Variants in PRTG observed in about 807,000 individuals in gnomAD.
PRTG encodes the protein immunoglobulin superfamily, DCC subclass, member 5.
Under a neutral mutation model 122.5 loss-of-function variants are expected in PRTG, and 67 were observed. The ratio of observed to expected loss-of-function variants is 0.55; its 90% CI spans 0.45 to 0.67. PRTG has a LOEUF of 0.67. PRTG is among the 30% of genes least tolerant of loss of function. The pLI is 0.00. For missense variants in PRTG, 1,435 were observed against 1,415.4 expected (o/e 1.01, Z -0.22); for synonymous variants, 554 against 501.1 (o/e 1.11, Z -1.41).
At chr15:55,673,000 A>G (rs190958146) in intron 10 of PRTG, among the ~76,000 whole-genome samples, 1 of 152,296 alleles carries the variant, frequency 6.6e-6, no homozygotes, top group Non-Finnish European at 1.5e-5. Flanking sequence ...CGTTAGTAAA[A>G]CAGAAGGGTC....
intron 2 of PRTG, among the ~76,000 whole-genome samples, chr15:55,719,023 G>T (rs1381407029): frequency 6.6e-6 from 1 of 152,128 alleles, no homozygotes; most frequent in Non-Finnish European, 1.5e-5. Context: ...AGGATTACAG[G>T]CATGAGCCAC....
chr15:55,646,514 G>A (rs1471345044), intron 11 of PRTG, among the ~76,000 whole-genome samples: 1 of 151,458 alleles, frequency 6.6e-6, no homozygotes, highest in Non-Finnish European at 1.5e-5. Flanking sequence ...AGTAGAGACG[G>A]GGTTTCACCG....
chr15:55,687,241 ATTTT>A (rs1595651624), intron 2 of PRTG, among the ~76,000 whole-genome samples: 1 of 152,116 alleles, frequency 6.6e-6, no homozygotes, highest in Non-Finnish European at 1.5e-5. Context: ...GCTTTTTATT[ATTTT>A]TTTGTTTGCT....
At position 55,639,798 on chromosome 15, in the gene PRTG, G is replaced by C. The variant is rs779696205; in HGVS notation, c.2168C>G (p.Pro723Arg). The C allele has an allele frequency of 6.2e-7, 1 of 1,614,080 alleles. No individual in the cohort carries two copies. Among genetic ancestry groups the C allele is most frequent in the Non-Finnish European group, 8.5e-7 (1 of 1,180,008 alleles). The change falls in exon 13 of 20, where the codon CCA becomes CGA. Residue 723 changes from proline (P) to arginine (R), a missense_variant. Pro to Arg is a moderately radical substitution (Grantham distance 103). Coordinates refer to ENST00000389286, the MANE Select transcript of PRTG (RefSeq NM_173814.6). ...SVRDRMVPPP[P>R]PPHHLYAKAN... ...CTTCGCATAGAGATGGTGGGGTGGT[G>C]GTGGAGGAGGGACCATGCGATCACG...
intron 11 of PRTG, among the ~76,000 whole-genome samples, chr15:55,650,940 C>T (rs2059350139): frequency 6.6e-6 from 1 of 152,138 alleles, no homozygotes; most frequent in Admixed American, 6.5e-5. Context: ...GCACTCCAGC[C>T]TGGGTGACAG....
rs1379060644 is a variant in PRTG at position 55,673,461 on chromosome 15, G to A, written c.1762C>T (p.Leu588=). The part of the protein sequence containing the change: ...LEGLKPDSVY[L]VRITAATRVG... ...CTGGTGGCAGCAGTAATCCGAACCAGGTAGACACTGTCAGGTTTCAGGCCT... is the reference window on the plus strand; with the variant it reads ...CTGGTGGCAGCAGTAATCCGAACCAAGTAGACACTGTCAGGTTTCAGGCCT... The change falls in exon 10 of 20, where the codon CTG becomes TTG. Residue 588 remains leucine (L), a synonymous_variant. Coordinates refer to ENST00000389286, the MANE Select transcript of PRTG (RefSeq NM_173814.6). 6.2e-7 allele frequency: 1 copy of A among 1,614,028 alleles called. No individual in the cohort carries two copies. Among genetic ancestry groups the A allele is most frequent in the East Asian group, 2.2e-5 (1 of 44,894 alleles).
At chr15:55,645,258 AC>A (rs2059314393) in intron 11 of PRTG, among the ~76,000 whole-genome samples, 1 of 149,302 alleles carries the variant, frequency 6.7e-6, no homozygotes, top group Non-Finnish European at 1.5e-5. Context: ...ACACGGTGAA[AC>A]CCCGTCTCTA....
chr15:55,733,511 A>G (rs577229063), intron 2 of PRTG, among the ~76,000 whole-genome samples: 37 of 134,566 alleles, frequency 2.7e-4, no homozygotes, highest in East Asian at 2.5e-3. Context: ...ACTCTGTCTC[A>G]AACAAAAAAA....
intron 2 of PRTG, among the ~76,000 whole-genome samples, chr15:55,706,014 A>ATTTTTTTTTTTTTTTTTTTT (rs56275705): frequency 2.5e-4 from 24 of 94,358 alleles, no homozygotes; most frequent in African/African-American, 6.8e-4. Flanking sequence ...TGCCCAGCTA[A>ATTTTTTTTTTTTTTTTTTTT]TTTTTTTTTT....
At chr15:55,638,744 T>C in intron 13 of PRTG, 68 bp from the exon 14 acceptor site, 2 of 1,404,214 alleles carry the variant, frequency 1.4e-6, no homozygotes, top group Non-Finnish European at 2.0e-6. Flanking sequence ...AATGTCAGCA[T>C]TTCCAAATAG....
intron 17 of PRTG, among the ~76,000 whole-genome samples, chr15:55,624,913 GCATA>G (rs1160073404): frequency 1.3e-5 from 2 of 152,094 alleles, no homozygotes; most frequent in East Asian, 1.9e-4. Context: ...GCATAAATGT[GCATA>G]AATATTTTAT....
At chr15:55,629,126 T>C (rs2059211554) in intron 15 of PRTG, 122 bp from the exon 16 acceptor site, 2 of 544,728 alleles carry the variant, frequency 3.7e-6, no homozygotes, top group Non-Finnish European at 3.1e-6. Flanking sequence ...ACACATATTG[T>C]AGAACATTTA....
chr15:55,623,781 A>C (rs1259922821), intron 18 of PRTG, among the ~76,000 whole-genome samples: 1 of 152,196 alleles, frequency 6.6e-6, no homozygotes, highest in Admixed American at 6.5e-5. Context: ...ATTATTATAT[A>C]TACTGGAAAG....
chr15:55,635,757 A>G (rs1489297475), intron 15 of PRTG, among the ~76,000 whole-genome samples: 1 of 152,174 alleles, frequency 6.6e-6, no homozygotes, highest in Non-Finnish European at 1.5e-5. Context: ...TTACATGAAC[A>G]TAAATATCTT....
intron 2 of PRTG, among the ~76,000 whole-genome samples, chr15:55,713,457 G>A (rs2030472575): frequency 6.6e-6 from 1 of 152,164 alleles, no homozygotes; most frequent in Non-Finnish European, 1.5e-5. Flanking sequence ...GCATGGGCAA[G>A]AGTTTTCCTA....
In PRTG at chr15:55,692,889, G is replaced by A. The variant is rs545370537; in HGVS notation, c.398-8958C>T. 1.3e-4 allele frequency among the ~76,000 whole-genome samples: 17 copies of A among 127,256 alleles called. No homozygotes were observed. In the South Asian group the frequency reaches 3.0e-3, roughly 23 times the overall value. 83.5% of individuals were successfully genotyped at this position (127,256 alleles called of 152,430 possible). A position where few individuals can be genotyped will look rare whatever the true frequency, so the allele number is the denominator to read the frequency against. On this transcript the variant is annotated intron_variant, in intron 2 of 19. Coordinates refer to ENST00000389286, the MANE Select transcript of PRTG (RefSeq NM_173814.6). ...GGAGGCTCACTCTGTTGCCCAGGCC[G>A]GAGTGCAGTCGTGCGATCTCAGCTC...
At chr15:55,654,677 G>A (rs184595942) in intron 11 of PRTG, among the ~76,000 whole-genome samples, 29 of 152,122 alleles carry the variant, frequency 1.9e-4, no homozygotes, top group African/African-American at 6.5e-4. Flanking sequence ...TCACATACAC[G>A]GTCTGTCTCA....
In PRTG at chr15:55,612,185, T is replaced by C. The variant is rs2059123227; in HGVS notation, c.*7827A>G. 1 of 152,112 alleles carries C rather than the reference T, an allele frequency of 6.6e-6. No homozygotes were observed. The highest frequency in any genetic ancestry group is 1.5e-5 in the Non-Finnish European group (1 of 67,970). The allele number at this position is 152,112 out of a possible 1,614,324, so 9.4% of individuals were successfully genotyped here. On this transcript the variant is annotated 3_prime_UTR_variant, in exon 20 of 20. Coordinates refer to ENST00000389286, the MANE Select transcript of PRTG (RefSeq NM_173814.6). ...ACAGGCTCAAGTTGCTAATCATCAG[T>C]AATAATTTTCATTTGCAAACAAAAT...
At chr15:55,647,797 T>A (rs2059332306) in intron 11 of PRTG, among the ~76,000 whole-genome samples, 1 of 152,202 alleles carries the variant, frequency 6.6e-6, no homozygotes, top group Non-Finnish European at 1.5e-5. Context: ...ACAAACAAGA[T>A]CTAGAGAACA....
Sources: gnomAD v4.1 joint callset for allele counts (sites outside exome capture counted in the v4.1 genomes callset) on GRCh38, gnomAD v4.1.1 for gene constraint, MANE v1.5 for transcripts, NCBI Gene and HGNC (gene_info 2026-07-23, HGNC 2026-07-21) for gene names.